TOGARAM1: variants seen among roughly 807,000 people sequenced by gnomAD.
TOGARAM1 encodes the protein TOG array regulator of axonemal microtubules 1.
TOGARAM1 carries 100 observed loss-of-function variants against 166.6 expected under a neutral mutation model. That is an observed-to-expected ratio of 0.60 (90% CI 0.51 to 0.71). The LOEUF is 0.71. TOGARAM1 is among the 30% of genes least tolerant of loss of function. The pLI is 0.00. For missense variants in TOGARAM1, 2,029 were observed against 2,102.7 expected (o/e 0.96, Z 0.69); for synonymous variants, 758 against 763.8 (o/e 0.99, Z 0.13).
intron 17 of TOGARAM1, 84 bp from the exon 18 acceptor site, chr14:45,068,340 A>G: frequency 1.0e-6 from 1 of 990,566 alleles, no homozygotes; most frequent in Non-Finnish European, 1.5e-6. Context: ...AAGTAGGAGA[A>G]ATATTATGAC....
intron 16 of TOGARAM1, among the ~76,000 whole-genome samples, chr14:45,060,490 ACAGACATGAGC>A (rs1882856915): frequency 1.3e-5 from 2 of 152,186 alleles, no homozygotes; most frequent in Non-Finnish European, 2.9e-5. Flanking sequence ...TGCTAGGATT[ACAGACATGAGC>A]CACCACACCC....
intron 18 of TOGARAM1, among the ~76,000 whole-genome samples, chr14:45,070,445 G>T (rs1883329202): frequency 6.6e-6 from 1 of 152,226 alleles, no homozygotes; most frequent in African/African-American, 2.4e-5. Flanking sequence ...TGCAGCTGTG[G>T]TTGCTCACCA....
intron 16 of TOGARAM1, among the ~76,000 whole-genome samples, chr14:45,063,479 G>GTTTTTTTTTTT (rs373702236): frequency 1.7e-5 from 2 of 118,690 alleles, no homozygotes; most frequent in African/African-American, 3.6e-5. Flanking sequence ...ATTTGACAAA[G>GTTTTTTTTTTT]TTTTTTTTTT....
intron 7 of TOGARAM1, among the ~76,000 whole-genome samples, chr14:45,015,747 C>A (rs1473282894): frequency 6.6e-6 from 1 of 152,118 alleles, no homozygotes; most frequent in Non-Finnish European, 1.5e-5. Flanking sequence ...TTGTCCAGGT[C>A]TTCTCAGCAG....
chr14:44,963,635 A>C lies in TOGARAM1; in HGVS notation c.1214A>C (p.Asp405Ala). The change falls in exon 1 of 20, where the codon GAT (aspartate) becomes GCT (alanine). Residue 405 changes from aspartate (D) to alanine (A), a missense_variant. Around this residue, in one of 2 missense-constraint regions of TOGARAM1, gnomAD observed 1,453 missense variants for 1,432.2 expected, o/e 1.01. Transcript: ENST00000361462. ...FISLLYNLLD[D>A]SNFKVVHGTL... The stretch of plus-strand genomic sequence containing the variant: ...AGTTTGCTATATAATTTGTTAGACG[A>C]TTCTAACTTCAAAGTGGTGCATGGC... 2 of 1,613,362 alleles carry C rather than the reference A, an allele frequency of 1.2e-6. No individual in the cohort carries two copies. Among genetic ancestry groups the C allele is most frequent in the Non-Finnish European group, 1.7e-6 (2 of 1,180,012 alleles).
intron 5 of TOGARAM1, chr14:45,006,569 A>AC: frequency 5.4e-6 from 1 of 183,590 alleles, no homozygotes; most frequent in Non-Finnish European, 1.1e-5. Flanking sequence ...ACACTCATGT[A>AC]CTGACCCTTC....
At chr14:45,042,595 C>T (rs530516993) in intron 11 of TOGARAM1, among the ~76,000 whole-genome samples, 1 of 152,012 alleles carries the variant, frequency 6.6e-6, no homozygotes, top group African/African-American at 2.4e-5. Flanking sequence ...ATAAGGTACA[C>T]AATTATAGAT....
At chr14:45,042,956 G>A (rs558276446) in intron 11 of TOGARAM1, among the ~76,000 whole-genome samples, 1 of 152,262 alleles carries the variant, frequency 6.6e-6, no homozygotes, top group Non-Finnish European at 1.5e-5. Flanking sequence ...GATTAATGTT[G>A]TTTTCATGCA....
chr14:45,047,378 C>T (rs1179149639), intron 14 of TOGARAM1, among the ~76,000 whole-genome samples: 5 of 143,278 alleles, frequency 3.5e-5, no homozygotes, highest in East Asian at 4.0e-4. Flanking sequence ...GGTGACAGAG[C>T]GAGACTCTGT....
chr14:45,062,442 A>G (rs1454365067), intron 16 of TOGARAM1, among the ~76,000 whole-genome samples: 1 of 152,154 alleles, frequency 6.6e-6, no homozygotes, highest in Non-Finnish European at 1.5e-5. Flanking sequence ...TTGATAGAAG[A>G]TTTGCATGGT....
At chr14:45,069,484 C>A (rs908779538) in intron 18 of TOGARAM1, among the ~76,000 whole-genome samples, 1 of 151,748 alleles carries the variant, frequency 6.6e-6, no homozygotes, top group African/African-American at 2.4e-5. Flanking sequence ...GTAAAGAAAT[C>A]TCAAAGCTCA....
In TOGARAM1 at chr14:45,073,642, G is replaced by T; in HGVS notation, c.*81G>T. 7.5e-7 allele frequency: 1 copy of T among 1,329,958 alleles called. No individual in the cohort carries two copies. Among genetic ancestry groups the T allele is most frequent in the Non-Finnish European group, 1.0e-6 (1 of 980,852 alleles). 82.4% of individuals were successfully genotyped at this position (1,329,958 alleles called of 1,614,324 possible). Reference sequence around the variant, plus strand: ...ACTTTCTAAAAGTTATGTTATCAGTGCCTGCACTTCACATCCAGCAAATTA... The same window carrying T: ...ACTTTCTAAAAGTTATGTTATCAGTTCCTGCACTTCACATCCAGCAAATTA... On this transcript the variant is annotated 3_prime_UTR_variant, in exon 20 of 20. Transcript: ENST00000361462.
intron 7 of TOGARAM1, among the ~76,000 whole-genome samples, chr14:45,017,487 A>G (rs1405557153): frequency 6.6e-6 from 1 of 152,162 alleles, no homozygotes; most frequent in Non-Finnish European, 1.5e-5. Flanking sequence ...ATGTGGATTA[A>G]TAACTCCCAG....
At chr14:45,048,256 G>A (rs1882179127) in intron 14 of TOGARAM1, among the ~76,000 whole-genome samples, 1 of 143,796 alleles carries the variant, frequency 7.0e-6, no homozygotes. Flanking sequence ...GGAGGCTGAG[G>A]CAGGAGAATC....
At chr14:45,025,992 G>T (rs891938641) in intron 8 of TOGARAM1, 120 bp downstream of exon 8, 2 of 537,740 alleles carry the variant, frequency 3.7e-6, no homozygotes, top group Admixed American at 3.6e-5. Flanking sequence ...TTTTAAAAAT[G>T]TATTACATTA....
At chr14:44,993,266 A>T (rs1340036935) in intron 1 of TOGARAM1, among the ~76,000 whole-genome samples, 3 of 151,678 alleles carry the variant, frequency 2.0e-5, no homozygotes, top group Non-Finnish European at 4.4e-5. Context: ...CAGCCTGAGC[A>T]ACAGAGTGAG....
intron 7 of TOGARAM1, among the ~76,000 whole-genome samples, chr14:45,024,537 T>G (rs1180337273): frequency 1.3e-5 from 2 of 152,184 alleles, no homozygotes; most frequent in African/African-American, 4.8e-5. Flanking sequence ...ATAACATGTC[T>G]TTTATATTTT....
chr14:45,008,720 T>C (rs1594649306), intron 5 of TOGARAM1, among the ~76,000 whole-genome samples, 193 bp from the exon 6 acceptor site: 1 of 152,172 alleles, frequency 6.6e-6, no homozygotes, highest in Non-Finnish European at 1.5e-5. Context: ...CCCAGTAGGT[T>C]GTTTATAAAT....
chr14:44,974,427 C>T (rs974257565), intron 1 of TOGARAM1, among the ~76,000 whole-genome samples: 3 of 151,928 alleles, frequency 2.0e-5, no homozygotes, highest in African/African-American at 7.2e-5. Context: ...TTCATTATAG[C>T]CCTTAGTATA....
Sources: allele counts gnomAD v4.1 joint callset (sites outside exome capture counted in the v4.1 genomes callset), GRCh38; gene constraint gnomAD v4.1.1; regional missense constraint gnomAD v4.1.1; transcripts MANE v1.5; gene names NCBI Gene and HGNC (gene_info 2026-07-23, HGNC 2026-07-21).